E2F8: variants seen among roughly 807,000 people sequenced by gnomAD.
E2F8 encodes the protein E2F transcription factor 8.
Under a neutral mutation model 80.8 loss-of-function variants are expected in E2F8, and 35 were observed. The ratio of observed to expected loss-of-function variants is 0.43; its 90% CI spans 0.33 to 0.57. The LOEUF is 0.57. Among genes scored for constraint, E2F8 ranks in the 20% least tolerant of loss-of-function variants. The pLI is 0.04. For missense variants in E2F8, 975 were observed against 1,056.2 expected (o/e 0.92, Z 1.07); for synonymous variants, 386 against 395.0 (o/e 0.98, Z 0.27).
intron 4 of E2F8, among the ~76,000 whole-genome samples, chr11:19,236,779 C>T (rs191082323): frequency 6.6e-6 from 1 of 152,174 alleles, no homozygotes; most frequent in Non-Finnish European, 1.5e-5. Context: ...CCACGGGCCC[C>T]TTTTTAGCTC....
intron 7 of E2F8, among the ~76,000 whole-genome samples, chr11:19,231,397 T>G (rs1851376940): frequency 6.6e-6 from 1 of 152,206 alleles, no homozygotes; most frequent in Non-Finnish European, 1.5e-5. Flanking sequence ...GTAACTCCAC[T>G]GAGGTGCCAT....
chr11:19,235,674 A>T (rs1565071771), intron 4 of E2F8, among the ~76,000 whole-genome samples: 2 of 152,154 alleles, frequency 1.3e-5, no homozygotes, highest in Non-Finnish European at 2.9e-5. Context: ...AACAAAAAAA[A>T]AAAACGATGA....
chr11:19,237,234 A>T, intron 4 of E2F8, 80 bp downstream of exon 4: 1 of 1,347,700 alleles, frequency 7.4e-7, no homozygotes, highest in Non-Finnish European at 1.1e-6. Flanking sequence ...CACTGGCTAG[A>T]TGAGCGGGGG....
At chr11:19,226,482 A>G (rs1851239838) in intron 10 of E2F8, among the ~76,000 whole-genome samples, 1 of 150,552 alleles carries the variant, frequency 6.6e-6, no homozygotes. Context: ...TAGGCAATTA[A>G]GGAGGACTAG....
In E2F8 at chr11:19,224,713, C is replaced by G; in HGVS notation, c.2549G>C (p.Gly850Ala). ...TTTTCGCTGTGGGACAAAGAGAGTT[C>G]CTAAGGAGGTTTTATTAGCACCCTC... ...DFEGANKTSL[G>A]TLFVPQRKLE... The change falls in exon 13 of 13, where the codon GGA becomes GCA. Residue 850 changes from glycine to alanine, a missense_variant. By Grantham distance (60) the Gly-to-Ala change is moderately conservative. Coordinates refer to ENST00000250024, the MANE Select transcript of E2F8 (RefSeq NM_024680.4). The G allele has an allele frequency of 6.2e-7, 1 of 1,614,162 alleles. No individual in the cohort carries two copies. Among genetic ancestry groups the G allele is most frequent in the East Asian group, 2.2e-5 (1 of 44,884 alleles).
Position 19,229,730 on chromosome 11 carries a change from G to A in E2F8, c.1617C>T (p.Gly539=). 1 of 1,614,222 alleles carries A rather than the reference G, an allele frequency of 6.2e-7. No individual in the cohort carries two copies. The highest frequency in any genetic ancestry group is 1.1e-5 in the South Asian group (1 of 91,082). Residue 539 remains glycine, a synonymous_variant, in exon 10 of 13, where the codon GGC becomes GGT. Transcript: ENST00000250024. The surrounding 1 kb of genome is among the most constrained non-coding windows in gnomAD (Gnocchi z 4.3). ...QAHQSVTPPQ[G]LSPTVCTTHS... is the part of the protein sequence containing the mutation. ...GGGTGGTGCACACCGTTGGGCTCAG[G>A]CCTTGGGGTGGCGTCACACTTTGGT...
chr11:19,237,951 A>G lies in E2F8; in HGVS notation c.197T>C (p.Leu66Pro), dbSNP rs1458421764. The G allele has an allele frequency of 6.2e-7, 1 of 1,614,116 alleles. No individual in the cohort carries two copies. Residue 66 changes from leucine (L) to proline (P), a missense_variant, in exon 3 of 13, where the codon CTC (leucine) becomes CCC (proline). By Grantham distance (98) the Leu-to-Pro change is moderately conservative. Transcript: ENST00000250024. ...PWTPTANLKM[L>P]ISAVSPEIRN... ...GATCTCAGGGCTCACAGCACTGATG[A>G]GCATTTTCAGGTTGGCTGTCGGTGT...
rs1851622226 is a variant in E2F8 at position 19,240,186 on chromosome 11, G to A, written c.-65C>T. ...AATCTGGAGTTCCTCCCCAAATCCC[G>A]ATGGTTCAAGTAGTCCAATCAATTG... On this transcript the variant is annotated 5_prime_UTR_variant, in exon 2 of 13. Coordinates refer to ENST00000250024, the MANE Select transcript of E2F8 (RefSeq NM_024680.4). 4.4e-6 allele frequency: 5 copies of A among 1,141,164 alleles called. No homozygotes were observed. The highest frequency in any genetic ancestry group is 6.1e-6 in the Non-Finnish European group (5 of 814,174). 70.7% of individuals were successfully genotyped at this position (1,141,164 alleles called of 1,614,324 possible).
At position 19,235,076 on chromosome 11, in the gene E2F8, TTG is replaced by T. The variant is rs775462740; in HGVS notation, c.452-20_452-19del. The T allele has an allele frequency of 1.3e-6, 2 of 1,579,824 alleles. No homozygotes were observed. The highest frequency in any genetic ancestry group is 3.7e-5 in the Admixed American group (2 of 54,620). On this transcript the variant is annotated intron_variant, in intron 4 of 12. Transcript: ENST00000250024. The stretch of plus-strand genomic sequence containing the variant: ...TTCAACATCTACAAAGAATGTGCAA[TTG>T]TGTGTTACAGATTTTTGTAACGTGT...
In E2F8 at chr11:19,225,857, A is replaced by C; in HGVS notation, c.1901T>G (p.Phe634Cys). 6.2e-7 allele frequency: 1 copy of C among 1,613,524 alleles called. No homozygotes were observed. Among genetic ancestry groups the C allele is most frequent in the Non-Finnish European group, 8.5e-7 (1 of 1,179,846 alleles). The stretch of plus-strand genomic sequence containing the variant: ...GAGAGGGATTAGGTATCCTGATGGG[A>C]ACAAGGTCTAGAAAACAAGGAGGAA... ...KGLENVSATL[F>C]PSGYLIPLTQ... The change falls in exon 11 of 13, where the codon TTC (phenylalanine) becomes TGC (cysteine). Residue 634 changes from phenylalanine to cysteine, a missense_variant. Coordinates refer to ENST00000250024, the MANE Select transcript of E2F8 (RefSeq NM_024680.4).
At position 19,230,849 on chromosome 11, in the gene E2F8, G is replaced by A. The variant is rs772385728; in HGVS notation, c.1067-15C>T. 6.8e-5 allele frequency: 109 copies of A among 1,612,656 alleles called. No individual in the cohort carries two copies. The highest frequency in any genetic ancestry group is 3.8e-4 in the South Asian group (35 of 90,968). On this transcript the variant is annotated splice_polypyrimidine_tract_variant and intron_variant, in intron 7 of 12. Coordinates refer to ENST00000250024, the MANE Select transcript of E2F8 (RefSeq NM_024680.4). ...TGGGCTGGAGCCTGAAACAGAAAAC[G>A]TCTGTGTATTAAAACCTGGATGGCT...
In E2F8 at chr11:19,230,269, A is replaced by C. The variant is rs1207801370; in HGVS notation, c.1330T>G (p.Cys444Gly). 24 of 1,613,852 alleles carry C rather than the reference A, an allele frequency of 1.5e-5. No individual in the cohort carries two copies. Among genetic ancestry groups the C allele is most frequent in the Non-Finnish European group, 1.9e-5 (23 of 1,179,938 alleles). ...PSKMAQLAAI[C>G]KMQLEEQSSE... is the part of the protein sequence containing the mutation. ...GATTGCTCTTCTAACTGCATTTTAC[A>C]AATAGCTGCGAGCTGAGCCATTTTA... Residue 444 changes from cysteine (C) to glycine (G), a missense_variant, in exon 9 of 13, where the codon TGT (cysteine) becomes GGT (glycine). Cys to Gly is a radical substitution (Grantham distance 159). Coordinates refer to ENST00000250024, the MANE Select transcript of E2F8 (RefSeq NM_024680.4).
At chr11:19,224,996 T>A in intron 12 of E2F8, 156 bp from the exon 13 acceptor site, 1 of 1,138,890 alleles carries the variant, frequency 8.8e-7, no homozygotes, top group Non-Finnish European at 1.2e-6. Flanking sequence ...TTTTACATTC[T>A]CAATTATTTT....
chr11:19,224,537 A>C lies in E2F8; in HGVS notation c.*121T>G. 4 of 915,428 alleles carry C rather than the reference A, an allele frequency of 4.4e-6. No homozygotes were observed. Among genetic ancestry groups the C allele is most frequent in the Non-Finnish European group, 6.5e-6 (4 of 616,044 alleles). 56.7% of individuals were successfully genotyped at this position (915,428 alleles called of 1,614,324 possible). A position where few individuals can be genotyped will look rare whatever the true frequency, so the allele number is the denominator to read the frequency against. On this transcript the variant is annotated 3_prime_UTR_variant, in exon 13 of 13. Coordinates refer to ENST00000250024, the MANE Select transcript of E2F8 (RefSeq NM_024680.4). Reference sequence around the variant, plus strand: ...TATGAAAACAACTATCTGATTTCACATTGAACAAATCCCCAACGTATTTAC... The same window carrying C: ...TATGAAAACAACTATCTGATTTCACCTTGAACAAATCCCCAACGTATTTAC...
chr11:19,239,955 A>G (rs531673541), intron 2 of E2F8, 152 bp downstream of exon 2: 19 of 407,564 alleles, frequency 4.7e-5, no homozygotes, highest in Non-Finnish European at 8.0e-5. Flanking sequence ...TTTTGAAACT[A>G]TAAGATAAGG....
rs183973352 is a variant in E2F8, at chr11:19,232,332, C to G, written c.968G>C (p.Ser323Thr). 1.2e-6 allele frequency: 2 copies of G among 1,614,038 alleles called. No homozygotes were observed. Among genetic ancestry groups the G allele is most frequent in the African/African-American group, 2.7e-5 (2 of 75,032 alleles). ...AACTTTCTTGATAAGATCCAGGCTA[C>G]TCAGAACATTAGCTATATCATACAA... is the stretch of plus-strand genomic sequence containing the variant. ...RRLYDIANVL[S>T]SLDLIKKVHV... Residue 323 changes from serine to threonine, a missense_variant, in exon 7 of 13, where the codon AGT becomes ACT. Physicochemically the swap from Ser to Thr is moderately conservative, Grantham distance 58 (BLOSUM62 1). Transcript: ENST00000250024.
At chr11:19,235,629 A>G (rs1211295635) in intron 4 of E2F8, among the ~76,000 whole-genome samples, 2 of 151,408 alleles carry the variant, frequency 1.3e-5, no homozygotes, top group African/African-American at 4.9e-5. Context: ...AGCCTGGGCG[A>G]AAGAGCGAGA....
At position 19,232,115 on chromosome 11, in the gene E2F8, G is replaced by A. The variant is rs1590126383; in HGVS notation, c.1066+119C>T. ...CACTGCATGTTCTCACTCGTAAGTG[G>A]GAGTTGAACAATGAGAACACATGGA... is the stretch of plus-strand genomic sequence containing the variant. On this transcript the variant is annotated intron_variant, in intron 7 of 12. Coordinates refer to ENST00000250024, the MANE Select transcript of E2F8 (RefSeq NM_024680.4). 22 of 1,377,140 alleles carry A rather than the reference G, an allele frequency of 1.6e-5. No individual in the cohort carries two copies. In the East Asian group the frequency reaches 5.1e-4, roughly 32 times the overall value. 85.3% of individuals were successfully genotyped at this position (1,377,140 alleles called of 1,614,324 possible). A position where few individuals can be genotyped will look rare whatever the true frequency, so the allele number is the denominator to read the frequency against.
At chr11:19,228,314 A>G (rs980908523) in intron 10 of E2F8, among the ~76,000 whole-genome samples, 8 of 152,248 alleles carry the variant, frequency 5.3e-5, no homozygotes, top group Admixed American at 1.3e-4. Context: ...ATGTAAGATA[A>G]TAGATGTTTT....
Sources: allele counts gnomAD v4.1 joint callset (sites outside exome capture counted in the v4.1 genomes callset), GRCh38; gene constraint gnomAD v4.1.1; non-coding constraint Gnocchi (gnomAD v3.1); transcripts MANE v1.5; gene names NCBI Gene and HGNC (gene_info 2026-07-23, HGNC 2026-07-21).